The following TMEM45B variants were observed in gnomAD, a reference collection of about 807,000 sequenced individuals.
TMEM45B encodes the protein transmembrane protein 45B.
TMEM45B carries 29 observed loss-of-function variants against 27.3 expected under a neutral mutation model. That is an observed-to-expected ratio of 1.06 (90% CI 0.79 to 1.45). The LOEUF is 1.45. Among genes scored for constraint, TMEM45B ranks in the 40% most tolerant of loss-of-function variants. TMEM45B has a pLI of 0.00. For synonymous variants in TMEM45B, 143 were observed against 134.7 expected (o/e 1.06, Z -0.43); for missense variants, 348 against 343.9 (o/e 1.01, Z -0.09).
At chr11:129,822,840 T>A (rs1172635446) in intron 1 of TMEM45B, among the ~76,000 whole-genome samples, 1 of 144,444 alleles carries the variant, frequency 6.9e-6, no homozygotes, top group Non-Finnish European at 1.5e-5. Context: ...AAAACATTTT[T>A]CTTTTTTTTT....
chr11:129,844,536 A>C (rs575712762), intron 1 of TMEM45B, among the ~76,000 whole-genome samples: 1 of 152,256 alleles, frequency 6.6e-6, no homozygotes, highest in Admixed American at 6.5e-5. Flanking sequence ...AAATTTTTTA[A>C]ATTGGCCAGG....
At chr11:129,827,670 G>A (rs1947501902) in intron 1 of TMEM45B, among the ~76,000 whole-genome samples, 1 of 152,108 alleles carries the variant, frequency 6.6e-6, no homozygotes, top group Non-Finnish European at 1.5e-5. Context: ...AGGCGTGGTG[G>A]TGCGTGCCTG....
rs906372374 is a variant in TMEM45B at position 129,859,299 on chromosome 11, T to C, written c.*614T>C. 1 of 151,308 alleles carries C rather than the reference T, an allele frequency of 6.6e-6. No homozygotes were observed. Among genetic ancestry groups the C allele is most frequent in the African/African-American group, 2.4e-5 (1 of 41,218 alleles). 9.4% of individuals were successfully genotyped at this position (151,308 alleles called of 1,614,324 possible). ...AGTGACAAAATTAGGCCAAAGGTGATTTTTTTTTAAATCAGGAAGCTGGTT... is the reference window on the plus strand; with the variant it reads ...AGTGACAAAATTAGGCCAAAGGTGACTTTTTTTTAAATCAGGAAGCTGGTT... On this transcript the variant is annotated 3_prime_UTR_variant, in exon 6 of 6. Transcript: ENST00000281441.
intron 1 of TMEM45B, among the ~76,000 whole-genome samples, chr11:129,827,797 T>C (rs1947503773): frequency 6.6e-6 from 1 of 151,950 alleles, no homozygotes; most frequent in African/African-American, 2.4e-5. Context: ...AGCGAAACTC[T>C]GCCTCAGAAA....
intron 1 of TMEM45B, among the ~76,000 whole-genome samples, chr11:129,848,494 G>C (rs1947800234): frequency 6.6e-6 from 1 of 150,388 alleles, no homozygotes. Context: ...GCATGAAAGG[G>C]AGACCGTGGA....
intron 1 of TMEM45B, among the ~76,000 whole-genome samples, chr11:129,845,141 A>G (rs147758552): frequency 3.4e-4 from 52 of 152,328 alleles, no homozygotes; most frequent in African/African-American, 1.3e-3. Flanking sequence ...TAAAAACTTT[A>G]TAACAAGCCC....
At chr11:129,824,836 G>A (rs1057102690) in intron 1 of TMEM45B, among the ~76,000 whole-genome samples, 16 of 152,214 alleles carry the variant, frequency 1.1e-4, no homozygotes, top group Admixed American at 9.2e-4. Flanking sequence ...AGCCCAGCCT[G>A]GAGATTCACA....
intron 2 of TMEM45B, among the ~76,000 whole-genome samples, chr11:129,853,819 A>G (rs1211905213): frequency 6.6e-6 from 1 of 152,202 alleles, no homozygotes; most frequent in Non-Finnish European, 1.5e-5. Context: ...AGAAACAAGT[A>G]TCTGGGAAAC....
chr11:129,828,971 A>G (rs1323149717), intron 1 of TMEM45B, among the ~76,000 whole-genome samples: 18 of 152,338 alleles, frequency 1.2e-4, no homozygotes, highest in Admixed American at 1.2e-3. Flanking sequence ...CGAATAGTGT[A>G]CCAGCACCAG....
chr11:129,816,270 G>A (rs1214108598), intron 1 of TMEM45B, among the ~76,000 whole-genome samples: 1 of 152,158 alleles, frequency 6.6e-6, no homozygotes, highest in Non-Finnish European at 1.5e-5. Flanking sequence ...AAGGTGTGAA[G>A]CCCCGGGCCT....
At chr11:129,848,405 C>T (rs1319587504) in intron 1 of TMEM45B, among the ~76,000 whole-genome samples, 3 of 151,576 alleles carry the variant, frequency 2.0e-5, no homozygotes, top group Admixed American at 6.6e-5. Flanking sequence ...CCCAGGCACT[C>T]GGCAGGCTGA....
chr11:129,858,299 A>G (rs1419577751), intron 5 of TMEM45B, among the ~76,000 whole-genome samples: 1 of 152,190 alleles, frequency 6.6e-6, no homozygotes, highest in Non-Finnish European at 1.5e-5. Context: ...AAGGGAGCTC[A>G]AGTCAGTTTC....
chr11:129,849,945 T>C (rs1441071789), intron 1 of TMEM45B, among the ~76,000 whole-genome samples: 2 of 152,108 alleles, frequency 1.3e-5, no homozygotes, highest in African/African-American at 4.8e-5. Flanking sequence ...TTGGGGTCAT[T>C]TTCCCGTTCT....
At chr11:129,846,569 G>T (rs1013425142) in intron 1 of TMEM45B, among the ~76,000 whole-genome samples, 1 of 152,122 alleles carries the variant, frequency 6.6e-6, no homozygotes, top group Non-Finnish European at 1.5e-5. Flanking sequence ...TCTGTGTCTG[G>T]CCCTGCGGTA....
In TMEM45B at chr11:129,841,594, T is replaced by G. The variant is rs1452146965; in HGVS notation, c.-8-10881T>G. 6.2e-5 allele frequency among the ~76,000 whole-genome samples: 9 copies of G among 144,204 alleles called. No homozygotes were observed. The South Asian group carries it at 6.6e-4, about 11-fold the overall frequency. 94.6% of individuals were successfully genotyped at this position (144,204 alleles called of 152,430 possible). A position where few individuals can be genotyped will look rare whatever the true frequency, so the allele number is the denominator to read the frequency against. On this transcript the variant is annotated intron_variant, in intron 1 of 5. Coordinates refer to ENST00000281441, the MANE Select transcript of TMEM45B (RefSeq NM_138788.5). ...TTGAAGTTTTCTTTTGTTTTTTTGTTTTTTTTTTTTTTTTGGAGACAAGAG... is the reference window on the plus strand; with the variant it reads ...TTGAAGTTTTCTTTTGTTTTTTTGTGTTTTTTTTTTTTTTGGAGACAAGAG...
intron 1 of TMEM45B, among the ~76,000 whole-genome samples, chr11:129,833,252 G>A (rs201028502): frequency 0.33 from 47,111 of 144,262 alleles, 8,107 homozygotes; most frequent in East Asian, 0.48. Flanking sequence ...AAAATAAACA[G>A]AAAAATAAAA....
intron 1 of TMEM45B, among the ~76,000 whole-genome samples, chr11:129,840,378 C>T (rs1177544879): frequency 6.6e-6 from 1 of 152,106 alleles, no homozygotes; most frequent in Non-Finnish European, 1.5e-5. Flanking sequence ...AAGGACTCTG[C>T]CTTTATTTCA....
At chr11:129,854,579 C>T in intron 2 of TMEM45B, 31 bp from the exon 3 acceptor site, 1 of 1,609,388 alleles carries the variant, frequency 6.2e-7, no homozygotes, top group Non-Finnish European at 8.5e-7. Context: ...CTACTCTTCC[C>T]TCTAAAACAT....
At chr11:129,854,506 C>T (rs997143914) in intron 2 of TMEM45B, 104 bp from the exon 3 acceptor site, 33 of 1,203,398 alleles carry the variant, frequency 2.7e-5, no homozygotes, top group African/African-American at 7.6e-5. Flanking sequence ...GCCACCCTCA[C>T]CTCACCCCAT....
Sources: allele counts gnomAD v4.1 joint callset (sites outside exome capture counted in the v4.1 genomes callset), GRCh38; gene constraint gnomAD v4.1.1; transcripts MANE v1.5; gene names NCBI Gene and HGNC (gene_info 2026-07-23, HGNC 2026-07-21).